The following UTRN variants were observed in gnomAD, a reference collection of about 807,000 sequenced individuals.
The protein encoded by UTRN is utrophin.
UTRN carries 283 observed loss-of-function variants against 463.9 expected under a neutral mutation model. The observed-to-expected ratio is 0.61, with a 90% CI of 0.55 to 0.67. The LOEUF is 0.67. Among genes scored for constraint, UTRN ranks in the 30% least tolerant of loss-of-function variants. UTRN has a pLI of 0.00. For synonymous variants in UTRN, 1,442 were observed against 1,431.5 expected (o/e 1.01, Z -0.17); for missense variants, 3,922 against 4,084.3 (o/e 0.96, Z 1.08).
rs142778663 is a variant in UTRN, at chr6:144,363,588, T to A, written c.80-39535T>A. 2.0e-4 allele frequency among the ~76,000 whole-genome samples: 31 copies of A among 152,322 alleles called. No individual in the cohort carries two copies. The East Asian group carries it at 5.8e-3, about 28-fold the overall frequency. On this transcript the variant is annotated intron_variant, in intron 2 of 74. Coordinates refer to ENST00000367545, the MANE Select transcript of UTRN (RefSeq NM_007124.3). ...AGATACAAACTCACTCAACTCACAT[T>A]ACAGTCTTTCCCTGTCTAAAACAAA...
intron 50 of UTRN, among the ~76,000 whole-genome samples, chr6:144,576,523 A>G (rs1801451420): frequency 1.3e-5 from 2 of 152,208 alleles, no homozygotes; most frequent in African/African-American, 4.8e-5. Flanking sequence ...TTTAAAATAT[A>G]TAAAATCAGC....
At chr6:144,391,544 C>A (rs774174999) in intron 2 of UTRN, among the ~76,000 whole-genome samples, 1 of 152,156 alleles carries the variant, frequency 6.6e-6, no homozygotes, top group Non-Finnish European at 1.5e-5. Context: ...CAAATCCTGC[C>A]ATTAACATTG....
intron 51 of UTRN, among the ~76,000 whole-genome samples, chr6:144,593,519 A>G (rs1188800022): frequency 6.6e-6 from 1 of 152,052 alleles, no homozygotes; most frequent in Non-Finnish European, 1.5e-5. Context: ...GGCATTTCCC[A>G]TTTGTAGGCT....
intron 2 of UTRN, among the ~76,000 whole-genome samples, chr6:144,384,945 C>T (rs986909696): frequency 6.6e-6 from 1 of 152,038 alleles, no homozygotes; most frequent in East Asian, 1.9e-4. Context: ...ACTCAGATCC[C>T]GTTTCTCCTT....
intron 2 of UTRN, among the ~76,000 whole-genome samples, chr6:144,400,221 C>A (rs1485089315): frequency 6.6e-6 from 1 of 152,134 alleles, no homozygotes; most frequent in Non-Finnish European, 1.5e-5. Context: ...AAATTATATT[C>A]ATTCACTTAA....
chr6:144,542,675 T>A, intron 45 of UTRN, 120 bp from the exon 46 acceptor site: 1 of 958,320 alleles, frequency 1.0e-6, no homozygotes, highest in Non-Finnish European at 1.5e-6. Flanking sequence ...GCCAGAAGTT[T>A]AGGTCGTTAG....
At chr6:144,515,281 G>A (rs1332730128) in intron 37 of UTRN, among the ~76,000 whole-genome samples, 1 of 152,186 alleles carries the variant, frequency 6.6e-6, no homozygotes, top group Non-Finnish European at 1.5e-5. Context: ...TTGTGATTGT[G>A]CATATGAAGG....
At chr6:144,719,884 T>G (rs950877591) in intron 53 of UTRN, among the ~76,000 whole-genome samples, 5 of 152,238 alleles carry the variant, frequency 3.3e-5, no homozygotes, top group Non-Finnish European at 5.9e-5. Context: ...TTAGCAAAGT[T>G]TGGTGCTTGA....
At chr6:144,451,568 C>T (rs1584841729) in intron 18 of UTRN, 75 bp downstream of exon 18, 2 of 1,475,746 alleles carry the variant, frequency 1.4e-6, no homozygotes, top group Admixed American at 4.5e-5. Flanking sequence ...GGCATAAAGA[C>T]ATTATGGAAT....
At chr6:144,657,423 T>C (rs1157955656) in intron 51 of UTRN, among the ~76,000 whole-genome samples, 1 of 152,206 alleles carries the variant, frequency 6.6e-6, no homozygotes, top group African/African-American at 2.4e-5. Flanking sequence ...CAACAGTTTC[T>C]GGATATTCTA....
intron 2 of UTRN, among the ~76,000 whole-genome samples, chr6:144,388,221 T>G (rs1378074996): frequency 6.6e-6 from 1 of 152,244 alleles, no homozygotes; most frequent in Non-Finnish European, 1.5e-5. Context: ...GTATATTCTT[T>G]AATGACCTGC....
At chr6:144,455,276 T>C (rs1307196016) in intron 19 of UTRN, among the ~76,000 whole-genome samples, 1 of 152,226 alleles carries the variant, frequency 6.6e-6, no homozygotes, top group Non-Finnish European at 1.5e-5. Context: ...TAATATTTTC[T>C]TTCAAAATCC....
intron 18 of UTRN, among the ~76,000 whole-genome samples, chr6:144,453,072 A>G (rs1181131195): frequency 2.0e-5 from 3 of 152,174 alleles, no homozygotes; most frequent in Non-Finnish European, 4.4e-5. Context: ...CCTAGACTTA[A>G]TATAACCCAA....
intron 51 of UTRN, among the ~76,000 whole-genome samples, chr6:144,619,248 T>C (rs1775098938): frequency 6.6e-6 from 1 of 152,216 alleles, no homozygotes; most frequent in Non-Finnish European, 1.5e-5. Context: ...TATTAATTTT[T>C]AAATCAATAT....
chr6:144,635,962 T>G (rs957539522), intron 51 of UTRN, among the ~76,000 whole-genome samples: 1 of 152,174 alleles, frequency 6.6e-6, no homozygotes, highest in African/African-American at 2.4e-5. Context: ...AATATATGAA[T>G]GTGGTGACTT....
chr6:144,697,446 G>A (rs117164743), intron 52 of UTRN, among the ~76,000 whole-genome samples: 20 of 152,196 alleles, frequency 1.3e-4, no homozygotes, highest in Admixed American at 6.5e-4. Flanking sequence ...CATTCGACCT[G>A]TTGCCCAAGA....
intron 51 of UTRN, among the ~76,000 whole-genome samples, chr6:144,637,129 C>T (rs537919629): frequency 2.0e-5 from 3 of 152,222 alleles, no homozygotes; most frequent in Admixed American, 6.5e-5. Context: ...CCACCACACC[C>T]GGCTAGTTTT....
At chr6:144,793,208 C>T (rs1043353409) in intron 62 of UTRN, among the ~76,000 whole-genome samples, 3 of 151,930 alleles carry the variant, frequency 2.0e-5, no homozygotes, top group Non-Finnish European at 4.4e-5. Context: ...GGAGTGAACA[C>T]ACAAAGTTTG....
At chr6:144,330,594 C>T (rs1303380817) in intron 2 of UTRN, among the ~76,000 whole-genome samples, 2 of 152,160 alleles carry the variant, frequency 1.3e-5, no homozygotes, top group Non-Finnish European at 2.9e-5. Context: ...AAGTGCTTGG[C>T]TTCTCTGTAT....
Sources: gnomAD v4.1 joint callset for allele counts (sites outside exome capture counted in the v4.1 genomes callset) on GRCh38, gnomAD v4.1.1 for gene constraint, MANE v1.5 for transcripts, NCBI Gene and HGNC (gene_info 2026-07-23, HGNC 2026-07-21) for gene names.